The following PRKACB variants were observed in gnomAD, a reference collection of about 807,000 sequenced individuals.
The protein encoded by PRKACB is cAMP-dependent protein kinase catalytic subunit beta.
A neutral mutation model predicts 51.4 loss-of-function variants in PRKACB; 16 were observed. The ratio of observed to expected loss-of-function variants is 0.31; its 90% CI spans 0.21 to 0.47. PRKACB has a LOEUF of 0.47. PRKACB is among the 20% of genes least tolerant of loss of function. The pLI is 1.00. For synonymous variants in PRKACB, 147 were observed against 154.4 expected (o/e 0.95, Z 0.35); for missense variants, 309 against 464.5 (o/e 0.67, Z 3.08).
At chr1:84,173,401 G>A (rs894467906) in intron 1 of PRKACB, 16 of 1,430,328 alleles carry the variant, frequency 1.1e-5, no homozygotes, top group Middle Eastern at 3.5e-4. Context: ...TTTGATTATC[G>A]TAAGCTAAAT....
In PRKACB at chr1:84,144,466, A is replaced by AG; in HGVS notation, c.107dup (p.Thr37TyrfsTer4). The AG allele has an allele frequency of 6.2e-7, 1 of 1,613,224 alleles. No individual in the cohort carries two copies. The highest frequency in any genetic ancestry group is 8.5e-7 in the Non-Finnish European group (1 of 1,179,640). On this transcript the variant is annotated frameshift_variant, in exon 1 of 10. Transcript: ENST00000370685. LOFTEE classifies it high-confidence loss of function. The stretch of plus-strand genomic sequence containing the variant: ...GCCGGTTATTTCATAGACACTCTAA[A>AG]GGTACTGCACATGATCAGAAAACAG...
At chr1:84,094,859 TAAC>T (rs1478693676) in intron 1 of PRKACB, among the ~76,000 whole-genome samples, 4 of 152,006 alleles carry the variant, frequency 2.6e-5, no homozygotes, top group Non-Finnish European at 1.5e-5. Context: ...ATGTGGTATG[TAAC>T]AACATTTCAG....
rs547839451 is a variant in PRKACB at position 84,229,983 on chromosome 1, T to G, written c.1072-5197T>G. ...TGGCTTTTGTTGCCATTGCTTTTGG[T>G]GTTTTAGACATGAAGTCCTTGCCCA... On this transcript the variant is annotated intron_variant, in intron 9 of 9. Transcript: ENST00000370685. Among the ~76,000 whole-genome samples the G allele has an allele frequency of 6.0e-5, 9 of 150,384 alleles. No homozygotes were observed. The South Asian group carries it at 1.7e-3, about 28-fold the overall frequency.
intron 8 of PRKACB, among the ~76,000 whole-genome samples, chr1:84,211,034 T>C (rs1672052686): frequency 6.6e-6 from 1 of 151,658 alleles, no homozygotes; most frequent in South Asian, 2.1e-4. Context: ...GGGAAGAGGG[T>C]GTGATATGGA....
At chr1:84,141,583 T>TA (rs1189430621), upstream of PRKACB, among the ~76,000 whole-genome samples, 1 of 152,168 alleles carries the variant, frequency 6.6e-6, no homozygotes, top group Non-Finnish European at 1.5e-5. Flanking sequence ...GTTTTCAAGA[T>TA]ACTCATCTAG....
At chr1:84,143,225 C>T (rs956772198), upstream of PRKACB, among the ~76,000 whole-genome samples, 5 of 152,122 alleles carry the variant, frequency 3.3e-5, no homozygotes, top group South Asian at 2.1e-4. Context: ...GCGGGCGTAT[C>T]GCTTGAGGCC....
intron 7 of PRKACB, 50 bp downstream of exon 7, chr1:84,197,874 C>T (rs747085169): frequency 2.4e-6 from 3 of 1,273,868 alleles, no homozygotes; most frequent in Middle Eastern, 1.9e-4. Context: ...AGACATGCAT[C>T]CCTATGGACT....
At chr1:84,178,978 T>A in intron 1 of PRKACB, 199 bp from the exon 2 acceptor site, 1 of 472,392 alleles carries the variant, frequency 2.1e-6, no homozygotes, top group Non-Finnish European at 3.4e-6. Context: ...TAGAACAATA[T>A]TAGAGAATCT....
At chr1:84,175,733 CTTT>C in intron 1 of PRKACB, 2 of 1,264,724 alleles carry the variant, frequency 1.6e-6, no homozygotes, top group South Asian at 1.6e-5. Flanking sequence ...AATTGTCTCT[CTTT>C]TTTTTTTCAT....
intron 5 of PRKACB, among the ~76,000 whole-genome samples, chr1:84,194,210 A>G (rs1196155673): frequency 6.6e-6 from 1 of 152,176 alleles, no homozygotes; most frequent in Non-Finnish European, 1.5e-5. Flanking sequence ...TTCTCAAAAA[A>G]GTTTTTGTTA....
intron 9 of PRKACB, among the ~76,000 whole-genome samples, chr1:84,232,912 CA>C (rs1675974361): frequency 6.6e-6 from 1 of 152,066 alleles, no homozygotes; most frequent in East Asian, 1.9e-4. Flanking sequence ...AGTCCATTTA[CA>C]TTTAAAGTTA....
chr1:84,229,109 G>T (rs1558342873), intron 9 of PRKACB, among the ~76,000 whole-genome samples: 1 of 135,252 alleles, frequency 7.4e-6, no homozygotes, highest in Non-Finnish European at 1.5e-5. Flanking sequence ...AGTCCCCAGA[G>T]TATGATGTTC....
At chr1:84,185,068 A>G in intron 4 of PRKACB, 32 bp from the exon 5 acceptor site, 1 of 1,313,716 alleles carries the variant, frequency 7.6e-7, no homozygotes, top group African/African-American at 1.6e-5. Context: ...ACCTAAGTTG[A>G]ATAATTGTAT....
chr1:84,119,918 C>T (rs1650928710), intron 1 of PRKACB, among the ~76,000 whole-genome samples: 1 of 151,936 alleles, frequency 6.6e-6, no homozygotes, highest in South Asian at 2.1e-4. Flanking sequence ...GTAGTGTTTC[C>T]TATATTGGAA....
rs1016953184 is a variant in PRKACB, at chr1:84,112,244, T to C, written c.46+33873T>C. 5.3e-5 allele frequency among the ~76,000 whole-genome samples: 8 copies of C among 149,842 alleles called. No individual in the cohort carries two copies. The East Asian group carries it at 1.6e-3, about 29-fold the overall frequency. ...CTGCTTCTTTTTTTTTTTTTTTTTT[T>C]TTGTTTGATACGGAATCTCACTCTG... On this transcript the variant is annotated intron_variant, in intron 1 of 8. Transcript: ENST00000370688.
At chr1:84,147,446 T>G (rs1425108415) in intron 1 of PRKACB, among the ~76,000 whole-genome samples, 1 of 152,080 alleles carries the variant, frequency 6.6e-6, no homozygotes, top group Non-Finnish European at 1.5e-5. Context: ...ATCAGCTTTT[T>G]CCACTTGAAA....
intron 1 of PRKACB, among the ~76,000 whole-genome samples, chr1:84,166,020 G>A (rs1185875782): frequency 6.6e-6 from 1 of 151,492 alleles, no homozygotes; most frequent in Admixed American, 6.6e-5. Context: ...TTTCATAACT[G>A]GAGATCACCT....
chr1:84,125,476 G>A (rs757963087), intron 1 of PRKACB, among the ~76,000 whole-genome samples: 4 of 152,158 alleles, frequency 2.6e-5, no homozygotes, highest in South Asian at 2.1e-4. Context: ...AATTACATCC[G>A]CAGAGTCCAG....
chr1:84,108,017 A>C (rs1030292135), intron 1 of PRKACB, among the ~76,000 whole-genome samples: 1 of 152,160 alleles, frequency 6.6e-6, no homozygotes, highest in Admixed American at 6.6e-5. Context: ...CCATAAAGAC[A>C]CATTCACTTG....
Sources: gnomAD v4.1 joint callset for allele counts (sites outside exome capture counted in the v4.1 genomes callset) on GRCh38, gnomAD v4.1.1 for gene constraint, MANE v1.5 for transcripts, NCBI Gene and HGNC (gene_info 2026-07-23, HGNC 2026-07-21) for gene names.